CEP85L: variants seen among roughly 807,000 people sequenced by gnomAD.
CEP85L encodes the protein centrosomal protein of 85 kDa-like.
Under a neutral mutation model 100.3 loss-of-function variants are expected in CEP85L, and 60 were observed. The observed-to-expected ratio is 0.60, with a 90% CI of 0.49 to 0.74. CEP85L has a LOEUF of 0.74. CEP85L is among the 30% of genes least tolerant of loss of function. The probability of loss-of-function intolerance (pLI) is 0.00; values close to 1 mark genes in which losing one functional copy is unlikely to be tolerated. For synonymous variants in CEP85L, 319 were observed against 322.7 expected (o/e 0.99, Z 0.12); for missense variants, 973 against 936.2 (o/e 1.04, Z -0.51).
intron 2 of CEP85L, among the ~76,000 whole-genome samples, chr6:118,582,638 TG>T (rs994595366): frequency 6.6e-6 from 1 of 152,194 alleles, no homozygotes; most frequent in Non-Finnish European, 1.5e-5. Flanking sequence ...AGAGGGCCTA[TG>T]GAAGACCAGG....
At chr6:118,671,797 G>T (rs976850877) in intron 1 of CEP85L, among the ~76,000 whole-genome samples, 1 of 152,082 alleles carries the variant, frequency 6.6e-6, no homozygotes, top group African/African-American at 2.4e-5. Flanking sequence ...AATCAGTTAG[G>T]CATGGTGGCC....
Position 118,560,789 on chromosome 6 carries a change from T to C in CEP85L, c.1020+4740A>G, listed in dbSNP as rs1779181015. ...CCAATAACTCATAAAACAACTGAAG[T>C]AAAATTGAGTGCTGGAAAATATATT... On this transcript the variant is annotated intron_variant, in intron 3 of 12. Coordinates refer to ENST00000368491, the MANE Select transcript of CEP85L (RefSeq NM_001042475.3). 5 of 156,714 alleles carry C rather than the reference T, an allele frequency of 3.2e-5. No homozygotes were observed. The Admixed American group carries it at 3.3e-4, about 10-fold the overall frequency. The allele number at this position is 156,714 out of a possible 1,614,324, so 9.7% of individuals were successfully genotyped here. A position where few individuals can be genotyped will look rare whatever the true frequency, so the allele number is the denominator to read the frequency against.
At chr6:118,628,141 A>T (rs746577014) in intron 2 of CEP85L, among the ~76,000 whole-genome samples, 5 of 152,174 alleles carry the variant, frequency 3.3e-5, no homozygotes, top group Non-Finnish European at 5.9e-5. Flanking sequence ...GCTTTCAAAA[A>T]ATAAAAATAA....
chr6:118,474,761 G>A (rs1478915895), intron 10 of CEP85L, among the ~76,000 whole-genome samples: 1 of 152,112 alleles, frequency 6.6e-6, no homozygotes, highest in Admixed American at 6.5e-5. Flanking sequence ...CTCTCTATAG[G>A]AATTCACTTC....
intron 1 of CEP85L, among the ~76,000 whole-genome samples, chr6:118,634,825 T>C (rs1774391857): frequency 6.6e-6 from 1 of 152,202 alleles, no homozygotes; most frequent in African/African-American, 2.4e-5. Flanking sequence ...AGTGCAAACC[T>C]ATTAGCTGGA....
chr6:118,505,703 A>G (rs1314926049), intron 5 of CEP85L, among the ~76,000 whole-genome samples: 3 of 152,206 alleles, frequency 2.0e-5, no homozygotes, highest in Non-Finnish European at 2.9e-5. Flanking sequence ...AAAACTATAG[A>G]GACCATAACA....
chr6:118,491,673 T>A lies in CEP85L; in HGVS notation c.1437+13A>T. The A allele has an allele frequency of 6.2e-7, 1 of 1,606,018 alleles. No homozygotes were observed. Among genetic ancestry groups the A allele is most frequent in the Non-Finnish European group, 8.5e-7 (1 of 1,175,836 alleles). Reference sequence around the variant, plus strand: ...TGTTGTTGACCTAATTCAACTTTATTAGAAAAACCTACTTTTTCCTCTAGT... The same window carrying A: ...TGTTGTTGACCTAATTCAACTTTATAAGAAAAACCTACTTTTTCCTCTAGT... On this transcript the variant is annotated intron_variant, in intron 6 of 12. Transcript: ENST00000368491.
chr6:118,566,426 T>G (rs1779510790), intron 2 of CEP85L, 110 bp from the exon 3 acceptor site: 2 of 696,464 alleles, frequency 2.9e-6, no homozygotes, highest in South Asian at 2.6e-5. Context: ...TAGCACAAGC[T>G]TTTTTTTTTG....
intron 5 of CEP85L, among the ~76,000 whole-genome samples, chr6:118,500,428 T>TG (rs1255159569): frequency 4.0e-5 from 1 of 24,924 alleles, no homozygotes; most frequent in Non-Finnish European, 1.2e-4. Flanking sequence ...CTGGGCTCCT[T>TG]GAAGTTATCT....
intron 1 of CEP85L, among the ~76,000 whole-genome samples, chr6:118,638,244 T>C (rs917399291): frequency 2.6e-5 from 4 of 152,000 alleles, no homozygotes; most frequent in African/African-American, 9.7e-5. Context: ...CTATATAAAT[T>C]GATCTCCTCC....
intron 6 of CEP85L, among the ~76,000 whole-genome samples, chr6:118,491,196 TACACACACACACACACACAC>T: frequency 8.6e-6 from 1 of 116,366 alleles, no homozygotes; most frequent in African/African-American, 3.3e-5. Flanking sequence ...CCAACATCTA[TACACACACACACACACACAC>T]ACACACACAC....
chr6:118,483,681 A>G, intron 7 of CEP85L, 25 bp downstream of exon 7: 1 of 1,588,718 alleles, frequency 6.3e-7, no homozygotes, highest in Non-Finnish European at 8.5e-7. Flanking sequence ...TGTCATTTAA[A>G]GATAAGCATT....
intron 2 of CEP85L, among the ~76,000 whole-genome samples, chr6:118,606,088 C>A (rs1443945207): frequency 6.6e-6 from 1 of 150,784 alleles, no homozygotes; most frequent in Non-Finnish European, 1.5e-5. Context: ...AAAGAAAAAA[C>A]CTTTTTCCAT....
chr6:118,696,552 C>G (rs1777218100), intron 1 of CEP85L, among the ~76,000 whole-genome samples: 1 of 152,184 alleles, frequency 6.6e-6, no homozygotes, highest in African/African-American at 2.4e-5. Context: ...TACTCTGCAT[C>G]CAAGTTGCTG....
At chr6:118,543,921 T>C (rs1778050422) in intron 3 of CEP85L, among the ~76,000 whole-genome samples, 1 of 152,180 alleles carries the variant, frequency 6.6e-6, no homozygotes, top group Admixed American at 6.5e-5. Flanking sequence ...TAAACGTCTA[T>C]GAAAGTTAAG....
chr6:118,559,508 G>A, intron 3 of CEP85L: 1 of 207,772 alleles, frequency 4.8e-6, no homozygotes, highest in Non-Finnish European at 1.1e-5. Context: ...GTATTTTTCA[G>A]GTCTTCACCA....
At chr6:118,572,395 A>G (rs1246202787) in intron 2 of CEP85L, among the ~76,000 whole-genome samples, 1 of 151,820 alleles carries the variant, frequency 6.6e-6, no homozygotes, top group Non-Finnish European at 1.5e-5. Context: ...CTCTACTTAG[A>G]AAAAAACAAA....
chr6:118,491,405 C>T (rs903708181), intron 6 of CEP85L: 1 of 1,000,086 alleles, frequency 1.0e-6, no homozygotes, highest in African/African-American at 1.7e-5. Context: ...AAATCATAGA[C>T]TCAATAAGGA....
At position 118,485,982 on chromosome 6, in the gene CEP85L, C is replaced by CT. The variant is rs1170467873; in HGVS notation, c.1438-2125dup. On this transcript the variant is annotated intron_variant, in intron 6 of 12. Coordinates refer to ENST00000368491, the MANE Select transcript of CEP85L (RefSeq NM_001042475.3). ...TCTGTCTGTGTGCAAAGATGTCCTA[C>CT]TTTTCTTCTTTTTCTTTTGGTTGTC... is the stretch of plus-strand genomic sequence containing the variant. 2.6e-5 allele frequency among the ~76,000 whole-genome samples: 4 copies of CT among 152,166 alleles called. No homozygotes were observed. The East Asian group carries it at 7.7e-4, about 29-fold the overall frequency.
Sources: gnomAD v4.1 joint callset for allele counts (sites outside exome capture counted in the v4.1 genomes callset) on GRCh38, gnomAD v4.1.1 for gene constraint, MANE v1.5 for transcripts, NCBI Gene and HGNC (gene_info 2026-07-23, HGNC 2026-07-21) for gene names.